GABRG2: variants seen among roughly 807,000 people sequenced by gnomAD.
GABRG2 encodes the protein gamma-aminobutyric acid receptor subunit gamma-2.
A neutral mutation model predicts 56.4 loss-of-function variants in GABRG2; 16 were observed. That is an observed-to-expected ratio of 0.28 (90% CI 0.19 to 0.43). GABRG2 has a LOEUF of 0.43. Ranked by LOEUF, GABRG2 falls within the 20% of genes least tolerant of loss-of-function variation. GABRG2 has a pLI of 1.00. For missense variants in GABRG2, 327 were observed against 582.7 expected, an observed-to-expected ratio of 0.56 and a Z score of 4.52; for synonymous variants, 208 against 205.5, an observed-to-expected ratio of 1.01 and a Z score of -0.10.
intron 6 of GABRG2, among the ~76,000 whole-genome samples, chr5:162,124,523 A>G (rs1763188477): frequency 6.6e-6 from 1 of 151,684 alleles, no homozygotes; most frequent in South Asian, 2.1e-4. Context: ...GAATGCGGCA[A>G]TGCACATTCA....
intron 3 of GABRG2, among the ~76,000 whole-genome samples, chr5:162,096,023 T>C (rs1045626529): frequency 2.0e-5 from 3 of 151,932 alleles, no homozygotes; most frequent in Admixed American, 6.6e-5. Context: ...AAATATGATA[T>C]AATAGAGAAT....
intron 6 of GABRG2, among the ~76,000 whole-genome samples, chr5:162,124,718 A>T (rs1184191749): frequency 2.0e-5 from 3 of 151,764 alleles, no homozygotes; most frequent in African/African-American, 4.8e-5. Context: ...CTGCATTTAG[A>T]ATCTCAAAAA....
chr5:162,119,377 T>A (rs1333564291), intron 6 of GABRG2, among the ~76,000 whole-genome samples: 1 of 152,178 alleles, frequency 6.6e-6, no homozygotes, highest in Non-Finnish European at 1.5e-5. Context: ...AGTTACCCAA[T>A]GTTGTAATAA....
chr5:162,078,398 T>TATATATATATATATATATATATATA (rs1491452559), intron 1 of GABRG2, among the ~76,000 whole-genome samples: 1 of 16,398 alleles, frequency 6.1e-5, no homozygotes, highest in African/African-American at 3.3e-4. Flanking sequence ...TATATATATA[T>TATATATATATATATATATATATATA]TTTTTTTTTT....
At chr5:162,082,236 G>C (rs569175799) in intron 1 of GABRG2, among the ~76,000 whole-genome samples, 1 of 151,772 alleles carries the variant, frequency 6.6e-6, no homozygotes, top group Admixed American at 6.6e-5. Flanking sequence ...ATGCACATTA[G>C]TGTTGCAGCC....
chr5:162,100,857 C>T (rs1489631173), intron 4 of GABRG2, among the ~76,000 whole-genome samples: 1 of 152,164 alleles, frequency 6.6e-6, no homozygotes, highest in Admixed American at 6.6e-5. Context: ...TATCAACATT[C>T]ATTTACAAGC....
At chr5:162,126,726 T>G (rs1349669292) in intron 6 of GABRG2, among the ~76,000 whole-genome samples, 4 of 151,994 alleles carry the variant, frequency 2.6e-5, no homozygotes, top group Non-Finnish European at 2.9e-5. Context: ...TTGTAGTTTT[T>G]CAAATAACTC....
chr5:162,150,126 T>C (rs944561094), intron 8 of GABRG2: 3 of 155,272 alleles, frequency 1.9e-5, no homozygotes, highest in Admixed American at 6.3e-5. Flanking sequence ...AAACAAATGA[T>C]TTACTATTAT....
At chr5:162,131,312 C>T (rs1763738493) in intron 6 of GABRG2, among the ~76,000 whole-genome samples, 1 of 152,052 alleles carries the variant, frequency 6.6e-6, no homozygotes, top group South Asian at 2.1e-4. Flanking sequence ...TGCAGAAGCA[C>T]ATATGTGCTA....
At chr5:162,070,996 G>A (rs979750723) in intron 1 of GABRG2, among the ~76,000 whole-genome samples, 7 of 119,710 alleles carry the variant, frequency 5.8e-5, no homozygotes. Context: ...TGGGCAGAAT[G>A]AATCAATTTA....
chr5:162,130,559 G>A (rs1408593360), intron 6 of GABRG2, among the ~76,000 whole-genome samples: 3 of 151,824 alleles, frequency 2.0e-5, no homozygotes, highest in African/African-American at 7.3e-5. Flanking sequence ...AAAATGACAA[G>A]AAAAATAAAG....
intron 1 of GABRG2, among the ~76,000 whole-genome samples, chr5:162,074,141 C>T (rs1026596300): frequency 4.6e-5 from 7 of 151,870 alleles, no homozygotes; most frequent in African/African-American, 1.7e-4. Context: ...TAAAAAGCTC[C>T]TTTCAAGTTA....
intron 1 of GABRG2, among the ~76,000 whole-genome samples, chr5:162,085,395 T>C (rs968387150): frequency 6.6e-6 from 1 of 152,080 alleles, no homozygotes; most frequent in African/African-American, 2.4e-5. Context: ...AATATTCCAG[T>C]TTAATAATCA....
intron 1 of GABRG2, among the ~76,000 whole-genome samples, chr5:162,079,101 ATATC>A (rs1206910135): frequency 6.6e-6 from 1 of 151,980 alleles, no homozygotes; most frequent in African/African-American, 2.4e-5. Flanking sequence ...ACTCCTCAAA[ATATC>A]TATTACAGTT....
At chr5:162,127,417 A>G (rs892324619) in intron 6 of GABRG2, among the ~76,000 whole-genome samples, 3 of 151,972 alleles carry the variant, frequency 2.0e-5, no homozygotes, top group African/African-American at 7.2e-5. Context: ...GCTCTAGTAT[A>G]TGACTAAATC....
At chr5:162,138,176 A>G (rs1451365087) in intron 6 of GABRG2, among the ~76,000 whole-genome samples, 3 of 152,188 alleles carry the variant, frequency 2.0e-5, no homozygotes, top group Non-Finnish European at 4.4e-5. Flanking sequence ...CACTAAGATT[A>G]TATAGATATT....
Position 162,093,845 on chromosome 5 carries a change from C to A in GABRG2, c.125C>A (p.Ser42Tyr). 6.2e-7 allele frequency: 1 copy of A among 1,613,082 alleles called. No homozygotes were observed. The highest frequency in any genetic ancestry group is 8.5e-7 in the Non-Finnish European group (1 of 1,179,412). Reference sequence around the variant, plus strand: ...TTTCTTAGCTTCACTAGCCAGAAATCTGATGATGACTATGAAGATTATGCT... The same window carrying A: ...TTTCTTAGCTTCACTAGCCAGAAATATGATGATGACTATGAAGATTATGCT... Reference protein sequence around the residue: ...SLYPGFTSQKSDDDYEDYASN... With the variant: ...SLYPGFTSQKYDDDYEDYASN... The change falls in exon 2 of 10, where the codon TCT (serine) becomes TAT (tyrosine). Residue 42 changes from serine (S) to tyrosine (Y), a missense_variant. Transcript: ENST00000639213.
chr5:162,130,220 T>C (rs998888995), intron 6 of GABRG2, among the ~76,000 whole-genome samples: 1 of 151,952 alleles, frequency 6.6e-6, no homozygotes, highest in Non-Finnish European at 1.5e-5. Flanking sequence ...AGGGGTGTGA[T>C]AGTTGAAAAT....
chr5:162,105,084 AG>A (rs1761701224), intron 6 of GABRG2, among the ~76,000 whole-genome samples: 1 of 152,216 alleles, frequency 6.6e-6, no homozygotes, highest in Non-Finnish European at 1.5e-5. Flanking sequence ...CTGTTGATTT[AG>A]TCACAAACAC....
Sources: allele counts gnomAD v4.1 joint callset (sites outside exome capture counted in the v4.1 genomes callset), GRCh38; gene constraint gnomAD v4.1.1; transcripts MANE v1.5; gene names NCBI Gene and HGNC (gene_info 2026-07-23, HGNC 2026-07-21).